Variants in GOLIM4 observed in about 807,000 individuals in gnomAD.
GOLIM4 encodes the protein 130 kDa golgi-localized phosphoprotein.
In GOLIM4, 71 loss-of-function variants were observed where a neutral mutation model predicts 107.4. The ratio of observed to expected loss-of-function variants is 0.66; its 90% CI spans 0.55 to 0.81. GOLIM4 has a LOEUF of 0.81. Ranked by LOEUF, GOLIM4 falls within the 30% of genes least tolerant of loss-of-function variation. The pLI is 0.00. For missense variants in GOLIM4, 830 were observed against 826.1 expected, an observed-to-expected ratio of 1.00 and a Z score of -0.06; for synonymous variants, 327 against 294.8, an observed-to-expected ratio of 1.11 and a Z score of -1.12.
intron 5 of GOLIM4, among the ~76,000 whole-genome samples, chr3:168,041,998 T>G (rs1719033475): frequency 6.6e-6 from 1 of 152,172 alleles, no homozygotes; most frequent in South Asian, 2.1e-4. Flanking sequence ...ACTTACTTTT[T>G]TTGAAATGCT....
At chr3:168,064,976 A>G (rs1203288182) in intron 1 of GOLIM4, among the ~76,000 whole-genome samples, 3 of 151,802 alleles carry the variant, frequency 2.0e-5, no homozygotes, top group African/African-American at 4.8e-5. Flanking sequence ...AAAAAAGGAG[A>G]GAAAAAAAGA....
Position 168,041,317 on chromosome 3 carries a change from G to C in GOLIM4, c.600+75C>G, listed in dbSNP as rs535278863. 3 of 845,686 alleles carry C rather than the reference G, an allele frequency of 3.5e-6. No individual in the cohort carries two copies. In the South Asian group the frequency reaches 4.4e-5, roughly 12 times the overall value. The allele number at this position is 845,686 out of a possible 1,614,324, so 52.4% of individuals were successfully genotyped here. On this transcript the variant is annotated intron_variant, in intron 6 of 15. Transcript: ENST00000470487. The stretch of plus-strand genomic sequence containing the variant: ...GGATTTGTAAAGCAGGCCAATTAGG[G>C]AATGACTTTTTAAAGTCATTCTACC...
At chr3:168,040,039 T>A (rs1718895224) in intron 7 of GOLIM4, among the ~76,000 whole-genome samples, 1 of 152,208 alleles carries the variant, frequency 6.6e-6, no homozygotes, top group Non-Finnish European at 1.5e-5. Context: ...TCGTTTACCT[T>A]TGTTCTTTTA....
chr3:168,028,262 C>T (rs187938201), intron 11 of GOLIM4, among the ~76,000 whole-genome samples: 4 of 152,294 alleles, frequency 2.6e-5, no homozygotes, highest in Admixed American at 6.5e-5. Context: ...ACTGCCCCAT[C>T]TGTGGAGCTC....
At chr3:168,025,138 G>A (rs1717927102) in intron 12 of GOLIM4, 43 bp from the exon 13 acceptor site, 3 of 1,495,744 alleles carry the variant, frequency 2.0e-6, no homozygotes, top group African/African-American at 1.4e-5. Flanking sequence ...TCAAAACTGA[G>A]GATCAAGTTT....
intron 1 of GOLIM4, among the ~76,000 whole-genome samples, chr3:168,080,662 G>T (rs1721313059): frequency 6.6e-6 from 1 of 152,140 alleles, no homozygotes; most frequent in African/African-American, 2.4e-5. Flanking sequence ...AATGGCAGTG[G>T]GAGTTTTGGC....
At chr3:168,080,965 T>C (rs1012009410) in intron 1 of GOLIM4, among the ~76,000 whole-genome samples, 4 of 152,140 alleles carry the variant, frequency 2.6e-5, no homozygotes, top group Non-Finnish European at 4.4e-5. Flanking sequence ...CTTTGACACC[T>C]GGAATCTAAA....
Position 168,015,742 on chromosome 3 carries a change from C to G in GOLIM4, c.1861-4919G>C, listed in dbSNP as rs1174203578. 3.0e-5 allele frequency among the ~76,000 whole-genome samples: 4 copies of G among 134,594 alleles called. 2 individuals are homozygous for G. The highest frequency in any genetic ancestry group is 2.8e-4 in the Admixed American group (4 of 14,202). The allele number at this position is 134,594 out of a possible 152,430, so 88.3% of individuals were successfully genotyped here. On this transcript the variant is annotated intron_variant, in intron 14 of 15. Transcript: ENST00000470487. ...AGCCCTCAGAAATAACGTCGCATAT[C>G]TACAACTATCTGATCTTTGACAAAC...
intron 1 of GOLIM4, among the ~76,000 whole-genome samples, chr3:168,077,563 T>C (rs1308122727): frequency 1.3e-5 from 2 of 152,218 alleles, no homozygotes; most frequent in Non-Finnish European, 2.9e-5. Context: ...AACACAATTA[T>C]ATTCATTATT....
At chr3:168,043,030 A>G (rs1719105353) in intron 5 of GOLIM4, among the ~76,000 whole-genome samples, 1 of 152,202 alleles carries the variant, frequency 6.6e-6, no homozygotes, top group Non-Finnish European at 1.5e-5. Context: ...GATTGTGGCA[A>G]TAACTGAGAA....
intron 1 of GOLIM4, among the ~76,000 whole-genome samples, chr3:168,085,284 G>A (rs1198351321): frequency 6.6e-6 from 1 of 152,206 alleles, no homozygotes. Context: ...ATCTTGGAAT[G>A]ATCAAAAGTG....
rs972347582 is a variant in GOLIM4, at chr3:168,084,496, T to A, written c.187+10603A>T. ...CCACCTGAGTGAATTTTGAAGTAGA[T>A]CCTTTAATCCCAATCAAGTTTTAAA... On this transcript the variant is annotated intron_variant, in intron 1 of 15. Transcript: ENST00000470487. 2.0e-5 allele frequency among the ~76,000 whole-genome samples: 3 copies of A among 152,266 alleles called. 1 individual carries two copies. The highest frequency in any genetic ancestry group is 4.1e-4 in the South Asian group (2 of 4,824).
intron 8 of GOLIM4, among the ~76,000 whole-genome samples, chr3:168,035,829 T>C (rs1460024935): frequency 1.3e-5 from 2 of 152,122 alleles, no homozygotes; most frequent in Admixed American, 6.5e-5. Flanking sequence ...ATATTGCCTA[T>C]TTTTTTATTA....
At chr3:168,066,988 T>C (rs929642910) in intron 1 of GOLIM4, among the ~76,000 whole-genome samples, 1 of 152,058 alleles carries the variant, frequency 6.6e-6, no homozygotes, top group Admixed American at 6.5e-5. Context: ...TATCTTGAAA[T>C]TTACTTTTAA....
intron 1 of GOLIM4, among the ~76,000 whole-genome samples, chr3:168,064,451 T>C (rs1295158003): frequency 2.6e-5 from 4 of 152,216 alleles, no homozygotes; most frequent in Non-Finnish European, 4.4e-5. Context: ...AATGGTTACA[T>C]ACCAAGATAA....
intron 1 of GOLIM4, among the ~76,000 whole-genome samples, chr3:168,071,841 G>A (rs1171786135): frequency 3.3e-5 from 5 of 152,016 alleles, no homozygotes; most frequent in Non-Finnish European, 7.4e-5. Flanking sequence ...AGTATCCACA[G>A]TAACTGATAC....
At chr3:168,043,253 G>A in intron 5 of GOLIM4, 126 bp downstream of exon 5, 1 of 652,552 alleles carries the variant, frequency 1.5e-6, no homozygotes, top group Non-Finnish European at 2.5e-6. Flanking sequence ...AAGAAAAAGT[G>A]ACTGGTAAAG....
intron 1 of GOLIM4, among the ~76,000 whole-genome samples, chr3:168,086,432 G>C (rs1400163234): frequency 1.3e-5 from 2 of 152,062 alleles, no homozygotes; most frequent in African/African-American, 2.4e-5. Context: ...TTGTAACAAA[G>C]ATTCCAATTA....
chr3:168,087,819 G>C (rs140045928), intron 1 of GOLIM4, among the ~76,000 whole-genome samples: 21 of 152,310 alleles, frequency 1.4e-4, no homozygotes, highest in Admixed American at 2.0e-4. Flanking sequence ...TAAAGTGCTA[G>C]TGTCACAGTT....
Sources: gnomAD v4.1 joint callset for allele counts (sites outside exome capture counted in the v4.1 genomes callset) on GRCh38, gnomAD v4.1.1 for gene constraint, MANE v1.5 for transcripts, NCBI Gene and HGNC (gene_info 2026-07-23, HGNC 2026-07-21) for gene names.